Variants in UMAD1 observed in about 807,000 individuals in gnomAD.
The protein encoded by UMAD1 is UBAP1-MVB12-associated (UMA)-domain containing protein 1.
In UMAD1, 8 loss-of-function variants were observed where a neutral mutation model predicts 6.1. That is an observed-to-expected ratio of 1.30 (90% CI 0.76 to 2.35). UMAD1 has a LOEUF of 2.35. UMAD1 is among the 30% of genes most tolerant of loss of function. UMAD1 has a pLI of 0.00. For synonymous variants in UMAD1, 56 were observed against 31.4 expected (o/e 1.78, Z -2.61); for missense variants, 130 against 78.4 (o/e 1.66, Z -2.49).
At chr7:7,755,312 A>C (rs73344505) in intron 2 of UMAD1, among the ~76,000 whole-genome samples, 2,882 of 152,326 alleles carry the variant, frequency 0.019, 94 homozygotes, top group African/African-American at 0.067. Context: ...CCTTCCCAAT[A>C]GCACTCACTG....
At chr7:7,840,831 A>G (rs1338091026) in intron 3 of UMAD1, among the ~76,000 whole-genome samples, 1 of 152,188 alleles carries the variant, frequency 6.6e-6, no homozygotes, top group African/African-American at 2.4e-5. Context: ...CAAAAAAGCT[A>G]GAAGTTAGCA....
In UMAD1 at chr7:7,789,622, C is replaced by CCA. The variant is rs1326913541; in HGVS notation, c.83-12047_83-12046insAC. Among the ~76,000 whole-genome samples the CCA allele has an allele frequency of 3.7e-4, 51 of 137,262 alleles. 1 individual carries two copies. Among genetic ancestry groups the CCA allele is most frequent in the African/African-American group, 1.4e-3 (51 of 36,420 alleles). The allele number at this position is 137,262 out of a possible 152,430, so 90.0% of individuals were successfully genotyped here. A position where few individuals can be genotyped will look rare whatever the true frequency, so the allele number is the denominator to read the frequency against. On this transcript the variant is annotated intron_variant, in intron 2 of 3. Transcript: ENST00000682710. ...TCGTTAAACAAAATACCCCTTCTCCCCTCCCCACAGACCCTGGAAACCACC... is the reference window on the plus strand; with the variant it reads ...TCGTTAAACAAAATACCCCTTCTCCCCACTCCCCACAGACCCTGGAAACCACC...
At chr7:7,832,632 T>C (rs948401328) in intron 3 of UMAD1, among the ~76,000 whole-genome samples, 1 of 152,202 alleles carries the variant, frequency 6.6e-6, no homozygotes, top group African/African-American at 2.4e-5. Context: ...TTAAGACAGC[T>C]ACTCTTTAAC....
chr7:7,707,946 T>A (rs1227862512), intron 2 of UMAD1, among the ~76,000 whole-genome samples: 1 of 152,198 alleles, frequency 6.6e-6, no homozygotes, highest in African/African-American at 2.4e-5. Flanking sequence ...TTTAAGCATG[T>A]TTAGTTTGCA....
chr7:7,706,343 G>C (rs1277791096), intron 2 of UMAD1, among the ~76,000 whole-genome samples: 1 of 152,130 alleles, frequency 6.6e-6, no homozygotes, highest in Non-Finnish European at 1.5e-5. Flanking sequence ...TATCACCCTA[G>C]TCTGGGTTTG....
chr7:7,779,169 GA>G (rs1782290162), intron 2 of UMAD1, among the ~76,000 whole-genome samples: 2 of 152,176 alleles, frequency 1.3e-5, no homozygotes, highest in South Asian at 4.1e-4. Flanking sequence ...ATTTTGAAGT[GA>G]GAGATAGGTT....
intron 2 of UMAD1, among the ~76,000 whole-genome samples, chr7:7,784,588 G>A (rs532501620): frequency 2.7e-5 from 4 of 150,918 alleles, no homozygotes; most frequent in African/African-American, 4.9e-5. Context: ...CTCGTGATCC[G>A]CCCTCCTCGG....
chr7:7,667,873 C>G (rs1284626431), intron 1 of UMAD1, among the ~76,000 whole-genome samples: 2 of 152,280 alleles, frequency 1.3e-5, no homozygotes, highest in Middle Eastern at 3.4e-3. Flanking sequence ...AGATTGTGCT[C>G]TACTCTACTA....
At chr7:7,771,613 A>G (rs1264379248) in intron 2 of UMAD1, among the ~76,000 whole-genome samples, 2 of 152,214 alleles carry the variant, frequency 1.3e-5, no homozygotes, top group East Asian at 3.9e-4. Context: ...GCAACCCTCC[A>G]GTGATGAGTC....
intron 2 of UMAD1, among the ~76,000 whole-genome samples, chr7:7,756,963 C>T (rs1781791021): frequency 6.6e-6 from 1 of 152,142 alleles, no homozygotes; most frequent in Non-Finnish European, 1.5e-5. Flanking sequence ...GAGGGAAGTA[C>T]CAGTTTGACA....
chr7:7,735,160 T>C (rs1010778316), intron 2 of UMAD1, among the ~76,000 whole-genome samples: 12 of 152,156 alleles, frequency 7.9e-5, no homozygotes, highest in Non-Finnish European at 1.3e-4. Flanking sequence ...TAAATTAATA[T>C]TGTTGCAAGG....
chr7:7,804,905 T>C lies in UMAD1; in HGVS notation c.156+3162T>C, dbSNP rs75081650. Among the ~76,000 whole-genome samples the C allele has an allele frequency of 1.2e-3, 177 of 152,122 alleles. 3 individuals carry two copies. In the East Asian group the frequency reaches 0.034, roughly 29 times the overall value. On this transcript the variant is annotated intron_variant, in intron 3 of 3. Transcript: ENST00000682710. ...CTGAGGCAGGAGAATTGCTTGAACC[T>C]GGGAGGCGGGGGTTGCAGTGAGCCG...
chr7:7,731,101 C>T (rs749205756), intron 2 of UMAD1, among the ~76,000 whole-genome samples: 2 of 152,166 alleles, frequency 1.3e-5, no homozygotes, highest in Non-Finnish European at 2.9e-5. Flanking sequence ...CGGGTTCCAG[C>T]AATTCTCCTG....
chr7:7,718,490 C>G (rs1284490417), intron 2 of UMAD1: 1 of 152,236 alleles, frequency 6.6e-6, no homozygotes, highest in South Asian at 2.1e-4. Flanking sequence ...AACTATGTAT[C>G]CAACAAATTC....
At position 7,820,630 on chromosome 7, in the gene UMAD1, T is replaced by C. The variant is rs77559083; in HGVS notation, c.156+18887T>C. Among the ~76,000 whole-genome samples the C allele has an allele frequency of 1.7e-3, 252 of 152,296 alleles. 2 individuals are homozygous for C. The highest frequency in any genetic ancestry group is 5.9e-3 in the African/African-American group (247 of 41,562). On this transcript the variant is annotated intron_variant, in intron 3 of 3. Coordinates refer to ENST00000682710, the MANE Select transcript of UMAD1 (RefSeq NM_001302348.2). Reference sequence around the variant, plus strand: ...CAGGTGTCAGTTTAGCATGCGAGACTTTAAGCTGTCTTTTGTAGTTTCATA... The same window carrying C: ...CAGGTGTCAGTTTAGCATGCGAGACCTTAAGCTGTCTTTTGTAGTTTCATA...
intron 2 of UMAD1, among the ~76,000 whole-genome samples, chr7:7,777,748 G>A (rs921912190): frequency 6.6e-6 from 1 of 151,674 alleles, no homozygotes; most frequent in Non-Finnish European, 1.5e-5. Flanking sequence ...CCAGATACTC[G>A]TGATAGTCTG....
chr7:7,667,548 A>G (rs929190878), intron 1 of UMAD1, among the ~76,000 whole-genome samples: 2 of 152,188 alleles, frequency 1.3e-5, no homozygotes, highest in African/African-American at 4.8e-5. Context: ...GTTCACTGCT[A>G]CACCTACAGT....
chr7:7,736,624 C>T (rs1172091964), intron 2 of UMAD1: 3 of 152,164 alleles, frequency 2.0e-5, no homozygotes, highest in Admixed American at 6.5e-5. Context: ...TGTTTTTCTT[C>T]ATCTTATTTA....
chr7:7,811,176 G>T (rs1336826677), intron 3 of UMAD1, among the ~76,000 whole-genome samples: 2 of 152,092 alleles, frequency 1.3e-5, no homozygotes, highest in Non-Finnish European at 1.5e-5. Context: ...CTAATTTAAA[G>T]ATATGAATTT....
Sources: allele counts gnomAD v4.1 joint callset (sites outside exome capture counted in the v4.1 genomes callset), GRCh38; gene constraint gnomAD v4.1.1; transcripts MANE v1.5; gene names NCBI Gene and HGNC (gene_info 2026-07-23, HGNC 2026-07-21).